Variants in TTC3 observed in about 807,000 individuals in gnomAD.
TTC3 encodes the protein E3 ubiquitin-protein ligase TTC3.
Under a neutral mutation model 249.6 loss-of-function variants are expected in TTC3, and 180 were observed. The observed-to-expected ratio is 0.72, with a 90% CI of 0.64 to 0.82. The LOEUF (loss-of-function observed/expected upper bound fraction) is 0.82. Among genes scored for constraint, TTC3 ranks in the 40% least tolerant of loss-of-function variants. The pLI, the probability that TTC3 is intolerant of heterozygous loss-of-function variation, is 0.00. For missense variants in TTC3, 2,061 were observed against 2,398.4 expected, an observed-to-expected ratio of 0.86 and a Z score of 2.94; for synonymous variants, 717 against 805.0, an observed-to-expected ratio of 0.89 and a Z score of 1.85.
chr21:37,184,526 C>T (rs2083052616), intron 36 of TTC3, among the ~76,000 whole-genome samples: 1 of 151,918 alleles, frequency 6.6e-6, no homozygotes. Context: ...GCAATCTCAG[C>T]TCACTGCAAC....
At chr21:37,100,627 G>A (rs2074388788) in intron 10 of TTC3, among the ~76,000 whole-genome samples, 1 of 152,152 alleles carries the variant, frequency 6.6e-6, no homozygotes, top group African/African-American at 2.4e-5. Context: ...AACCCCCCTG[G>A]GCCTGCGAAT....
intron 7 of TTC3, among the ~76,000 whole-genome samples, chr21:37,091,817 G>A (rs2073317280): frequency 6.6e-6 from 1 of 152,164 alleles, no homozygotes; most frequent in African/African-American, 2.4e-5. Context: ...TCCTGACCTC[G>A]TGGTCTGCCT....
At chr21:37,186,981 T>C in intron 37 of TTC3, 68 bp from the exon 38 acceptor site, 1 of 980,554 alleles carries the variant, frequency 1.0e-6, no homozygotes, top group Non-Finnish European at 1.5e-6. Context: ...TCATCCAGCC[T>C]GAAACCTTTG....
intron 18 of TTC3, among the ~76,000 whole-genome samples, chr21:37,137,587 A>G (rs956217925): frequency 2.0e-5 from 3 of 152,188 alleles, no homozygotes; most frequent in Non-Finnish European, 2.9e-5. Flanking sequence ...GAACAAAAAA[A>G]GTCATTTCTT....
intron 41 of TTC3, among the ~76,000 whole-genome samples, chr21:37,192,856 T>G (rs998767570): frequency 6.6e-6 from 1 of 152,216 alleles, no homozygotes; most frequent in Non-Finnish European, 1.5e-5. Flanking sequence ...AAAGCATTAA[T>G]TGCATTTTGT....
rs1039168142 is a variant in TTC3 at position 37,152,376 on chromosome 21, GTTGTTTTTTTTTT to G, written c.2413+364_2413+376del. ...AGTGGCCGTATTTTAGGGGAACTAA[GTTGTTTTTTTTTT>G]TTGTTTTTTTTTTTTGAGACGGAGT... On this transcript the variant is annotated intron_variant, in intron 26 of 45. Coordinates refer to ENST00000355666, the Ensembl canonical transcript of TTC3. Among the ~76,000 whole-genome samples the G allele has an allele frequency of 2.3e-4, 31 of 134,934 alleles. No homozygotes were observed. The South Asian group carries it at 3.5e-3, about 15-fold the overall frequency. 88.5% of individuals were successfully genotyped at this position (134,934 alleles called of 152,430 possible).
chr21:37,181,214 C>A (rs571489565), intron 35 of TTC3, among the ~76,000 whole-genome samples: 15 of 152,302 alleles, frequency 9.8e-5, no homozygotes, highest in Middle Eastern at 3.4e-3. Context: ...TGTATGTGCA[C>A]ATATGTTTAT....
At chr21:37,127,778 G>A (rs879451269) in intron 15 of TTC3, among the ~76,000 whole-genome samples, 1 of 152,028 alleles carries the variant, frequency 6.6e-6, no homozygotes, top group Non-Finnish European at 1.5e-5. Flanking sequence ...CTCCATGTTC[G>A]CTCAGGCTCA....
intron 20 of TTC3, among the ~76,000 whole-genome samples, chr21:37,141,413 C>CA: frequency 2.8e-5 from 1 of 35,524 alleles, no homozygotes; most frequent in South Asian, 1.1e-3. Context: ...TTTGGGGAAT[C>CA]CCCCCCCCAG....
intron 7 of TTC3, 31 bp downstream of exon 7, chr21:37,091,444 A>G: frequency 6.3e-7 from 1 of 1,574,860 alleles, no homozygotes; most frequent in Middle Eastern, 1.7e-4. Context: ...TTGTTACTTG[A>G]CTCAGTTTTT....
At chr21:37,106,844 AG>A (rs1283228939) in intron 10 of TTC3, among the ~76,000 whole-genome samples, 2 of 152,186 alleles carry the variant, frequency 1.3e-5, no homozygotes, top group Non-Finnish European at 2.9e-5. Flanking sequence ...CTGTAGTGAG[AG>A]GGACTGGCAC....
chr21:37,152,118 T>C (rs1040321304), intron 26 of TTC3, 89 bp downstream of exon 26: 64 of 1,311,824 alleles, frequency 4.9e-5, no homozygotes, highest in Non-Finnish European at 6.1e-5. Context: ...TATTCATCAT[T>C]ATTGAATTGA....
chr21:37,190,130 CTTTTTTTTTTTTTTTTT>C lies in TTC3; in HGVS notation c.5025-1191_5025-1175del, dbSNP rs138862573. On this transcript the variant is annotated intron_variant, in intron 39 of 45. Transcript: ENST00000355666. Reference sequence around the variant, plus strand: ...TTTTAGTGTATAGTTCTTTTTCTTTCTTTTTTTTTTTTTTTTTTTTTTTTTTTTTGAGATGGTGTCTT... The same window carrying C: ...TTTTAGTGTATAGTTCTTTTTCTTTCTTTTTTTTTTTTGAGATGGTGTCTT... 4.8e-4 allele frequency among the ~76,000 whole-genome samples: 31 copies of C among 65,052 alleles called. 1 individual carries two copies. The South Asian group carries it at 0.026, about 55-fold the overall frequency. 42.7% of individuals were successfully genotyped at this position (65,052 alleles called of 152,430 possible).
In TTC3 at chr21:37,088,188, T is replaced by A. The variant is rs2835585; in HGVS notation, c.188-8T>A. On this transcript the variant is annotated splice_region_variant and splice_polypyrimidine_tract_variant and intron_variant, in intron 3 of 45. Coordinates refer to ENST00000355666, the Ensembl canonical transcript of TTC3. ...AAACATTAATTTTAAACTTTTTTTT[T>A]AATTAAGAATTTGACATCTGCAGTA... 0.5 allele frequency: 768,579 copies of A among 1,537,430 alleles called. 194,775 individuals are homozygous for A. Among genetic ancestry groups the A allele is most frequent in the Non-Finnish European group, 0.52 (597,795 of 1,142,084 alleles).
At chr21:37,175,961 G>A (rs1036810853) in intron 35 of TTC3, among the ~76,000 whole-genome samples, 2 of 152,014 alleles carry the variant, frequency 1.3e-5, no homozygotes, top group Non-Finnish European at 2.9e-5. Flanking sequence ...AGTAGAGATG[G>A]GGTGTCGCCA....
chr21:37,154,276 C>T (rs542948446), intron 27 of TTC3, among the ~76,000 whole-genome samples: 2 of 152,316 alleles, frequency 1.3e-5, no homozygotes, highest in South Asian at 4.1e-4. Context: ...TGCCAGCCGT[C>T]CCCACCTGTC....
chr21:37,140,709 G>A (rs1400083408), intron 20 of TTC3, 36 bp downstream of exon 20: 4 of 1,414,826 alleles, frequency 2.8e-6, no homozygotes, highest in Admixed American at 2.2e-5. Flanking sequence ...GCTCTAGGCT[G>A]GTAACTCATT....
At chr21:37,098,043 A>T in intron 10 of TTC3, 1 of 663,340 alleles carries the variant, frequency 1.5e-6, no homozygotes, top group East Asian at 2.7e-5. Flanking sequence ...AGATGGCTTA[A>T]GCCGTGGATA....
At chr21:37,199,104 C>T (rs2085237200) in intron 44 of TTC3, among the ~76,000 whole-genome samples, 2 of 152,298 alleles carry the variant, frequency 1.3e-5, no homozygotes, top group East Asian at 1.9e-4. Flanking sequence ...GCATCTGCCC[C>T]ATCTCCTCCT....
Sources: allele counts gnomAD v4.1 joint callset (sites outside exome capture counted in the v4.1 genomes callset), GRCh38; gene constraint gnomAD v4.1.1; transcripts MANE v1.5; gene names NCBI Gene and HGNC (gene_info 2026-07-23, HGNC 2026-07-21).